Variants in EIPR1 observed in about 807,000 individuals in gnomAD.
EIPR1 encodes EARP complex and GARP complex interacting protein 1.
EIPR1 carries 25 observed loss-of-function variants against 48.1 expected under a neutral mutation model. That is an observed-to-expected ratio of 0.52 (90% confidence interval 0.38 to 0.73). The LOEUF (loss-of-function observed/expected upper bound fraction) is 0.73. EIPR1 is among the 30% of genes least tolerant of loss of function. The pLI is 0.00. For missense variants in EIPR1, 415 were observed against 506.2 expected (o/e 0.82, Z 1.73); for synonymous variants, 204 against 201.9 (o/e 1.01, Z -0.09).
rs1247812272 is a variant in EIPR1 at position 3,199,009 on chromosome 2, C to T, written c.517-1992G>A. Among the ~76,000 whole-genome samples, 4 of 143,364 alleles carry T rather than the reference C, an allele frequency of 2.8e-5. No individual in the cohort carries two copies. In the East Asian group the frequency reaches 8.1e-4, roughly 29 times the overall value. The allele number at this position is 143,364 out of a possible 152,430, so 94.1% of individuals were successfully genotyped here. ...GCAGGAGGCCAGGGTGTGTTTCATC[C>T]CTCATCTGCAACTGCATATGGCAGA... On this transcript the variant is annotated intron_variant, in intron 5 of 8. Coordinates refer to ENST00000382125, the MANE Select transcript of EIPR1 (RefSeq NM_003310.5).
chr2:3,361,996 C>T (rs532905911), intron 1 of EIPR1, among the ~76,000 whole-genome samples: 3 of 152,268 alleles, frequency 2.0e-5, no homozygotes, highest in Non-Finnish European at 4.4e-5. Flanking sequence ...TCCTCTTTGG[C>T]ATGCTCCCTT....
chr2:3,299,603 T>TTCTC (rs141965173), intron 3 of EIPR1, among the ~76,000 whole-genome samples: 98 of 145,390 alleles, frequency 6.7e-4, no homozygotes, highest in Non-Finnish European at 1.1e-3. Flanking sequence ...GGAAAATATT[T>TTCTC]TCTCTCTCTC....
chr2:3,215,531 G>A (rs962601481), intron 4 of EIPR1, among the ~76,000 whole-genome samples: 8 of 152,320 alleles, frequency 5.3e-5, no homozygotes, highest in South Asian at 4.1e-4. Context: ...TCACCTCTGC[G>A]ATAAAGCCAT....
At chr2:3,211,680 A>G (rs947428914) in intron 5 of EIPR1, among the ~76,000 whole-genome samples, 4 of 152,218 alleles carry the variant, frequency 2.6e-5, no homozygotes. Context: ...GTGTCACGCC[A>G]AGCAGATGGC....
At chr2:3,195,236 G>A (rs1664766843) in intron 6 of EIPR1, among the ~76,000 whole-genome samples, 2 of 152,372 alleles carry the variant, frequency 1.3e-5, no homozygotes, top group African/African-American at 4.8e-5. Flanking sequence ...AAGAACCCAT[G>A]GCCTGGCGCT....
chr2:3,293,459 G>A lies in EIPR1; in HGVS notation c.260-36004C>T, dbSNP rs763913691. Among the ~76,000 whole-genome samples the A allele has an allele frequency of 6.2e-4, 94 of 152,234 alleles. 3 individuals carry two copies. The highest frequency in any genetic ancestry group is 1.3e-4 in the Non-Finnish European group (9 of 68,038). On this transcript the variant is annotated intron_variant, in intron 3 of 8. Transcript: ENST00000382125. ...CTCATGGCAAAGCTGCATGCCCCAG[G>A]GAGAACCCGGACTGCTCAGGAGGGT... is the stretch of plus-strand genomic sequence containing the variant.
chr2:3,353,136 C>T (rs1280938696), intron 2 of EIPR1: 5 of 423,542 alleles, frequency 1.2e-5, no homozygotes, highest in African/African-American at 1.0e-4. Flanking sequence ...TTGTGCCTAA[C>T]TTATACCTTA....
chr2:3,349,637 A>G (rs1475075675), intron 2 of EIPR1, among the ~76,000 whole-genome samples: 1 of 149,790 alleles, frequency 6.7e-6, no homozygotes, highest in African/African-American at 2.4e-5. Context: ...GACAGGGAGC[A>G]TGCTGGGAGA....
intron 2 of EIPR1, chr2:3,353,080 A>G (rs1450152272): frequency 2.6e-6 from 1 of 378,416 alleles, no homozygotes; most frequent in African/African-American, 2.1e-5. Context: ...TAACTTTCAT[A>G]ACTAATAATC....
intron 3 of EIPR1, chr2:3,301,118 G>A (rs1668750388): frequency 6.6e-6 from 1 of 152,108 alleles, no homozygotes; most frequent in Admixed American, 6.5e-5. Context: ...AATGTTTTGG[G>A]AAATGACAGT....
chr2:3,223,566 T>A (rs1013979377), intron 4 of EIPR1, among the ~76,000 whole-genome samples: 5 of 152,222 alleles, frequency 3.3e-5, no homozygotes, highest in Non-Finnish European at 4.4e-5. Context: ...GTTTATCAAG[T>A]ACAAGTCAGT....
At chr2:3,372,715 A>G (rs1252058716) in intron 1 of EIPR1, among the ~76,000 whole-genome samples, 1 of 152,206 alleles carries the variant, frequency 6.6e-6, no homozygotes, top group Non-Finnish European at 1.5e-5. Context: ...CAATAATAGG[A>G]TCTGAAATTG....
intron 4 of EIPR1, among the ~76,000 whole-genome samples, chr2:3,214,717 C>T (rs960818405): frequency 2.6e-5 from 4 of 152,206 alleles, no homozygotes; most frequent in African/African-American, 4.8e-5. Context: ...TCTCATGTAA[C>T]GTATTGGATA....
chr2:3,225,030 A>T (rs1006983978), intron 4 of EIPR1, among the ~76,000 whole-genome samples: 1 of 152,212 alleles, frequency 6.6e-6, no homozygotes, highest in Non-Finnish European at 1.5e-5. Flanking sequence ...CCTTGTAAAC[A>T]GTTTATTTCA....
In EIPR1 at chr2:3,194,072, C is replaced by T; in HGVS notation, c.748G>A (p.Asp250Asn). 6.2e-7 allele frequency: 1 copy of T among 1,613,948 alleles called. No individual in the cohort carries two copies. Among genetic ancestry groups the T allele is most frequent in the Non-Finnish European group, 8.5e-7 (1 of 1,180,026 alleles). Residue 250 changes from aspartate (D) to asparagine (N), a missense_variant, in exon 7 of 9, where the codon GAC (aspartate) becomes AAC (asparagine). Transcript: ENST00000382125. ...KQYYLASCGDDCKVKFWDTRN... is the reference protein window; with the variant it reads ...KQYYLASCGDNCKVKFWDTRN... ...GTGTCCCAGAACTTCACCTTACAGTCGTCTCCGCAGCTGGCCAAGTAGTAC... is the reference window on the plus strand; with the variant it reads ...GTGTCCCAGAACTTCACCTTACAGTTGTCTCCGCAGCTGGCCAAGTAGTAC...
chr2:3,339,754 G>T (rs1241970230), intron 2 of EIPR1, among the ~76,000 whole-genome samples: 2 of 152,204 alleles, frequency 1.3e-5, no homozygotes, highest in Non-Finnish European at 2.9e-5. Context: ...TTTGAGACCA[G>T]CCTGACCACC....
chr2:3,285,031 A>G (rs543968706), intron 3 of EIPR1, among the ~76,000 whole-genome samples: 44 of 152,286 alleles, frequency 2.9e-4, no homozygotes, highest in African/African-American at 1.0e-3. Flanking sequence ...AATGTCCCCC[A>G]ATGGAGAAGT....
At chr2:3,340,272 C>T (rs1404501209) in intron 2 of EIPR1, among the ~76,000 whole-genome samples, 1 of 152,236 alleles carries the variant, frequency 6.6e-6, no homozygotes, top group African/African-American at 2.4e-5. Flanking sequence ...GTGAGCTGAA[C>T]CACAATCTCC....
chr2:3,365,761 T>C (rs1312228945), intron 1 of EIPR1, among the ~76,000 whole-genome samples: 2 of 151,196 alleles, frequency 1.3e-5, no homozygotes, highest in African/African-American at 4.9e-5. Flanking sequence ...CATTTAACCC[T>C]GAGTGGACAC....
Sources: allele counts gnomAD v4.1 joint callset (sites outside exome capture counted in the v4.1 genomes callset), GRCh38; gene constraint gnomAD v4.1.1; transcripts MANE v1.5; gene names NCBI Gene and HGNC (gene_info 2026-07-23, HGNC 2026-07-21).